The following SLC9A4 variants were observed in gnomAD, a reference collection of about 807,000 sequenced individuals.
SLC9A4 encodes the protein solute carrier family 9 member A4.
A neutral mutation model predicts 67.4 loss-of-function variants in SLC9A4; 63 were observed. The ratio of observed to expected loss-of-function variants is 0.93; its 90% CI spans 0.76 to 1.15. The LOEUF (loss-of-function observed/expected upper bound fraction) is 1.15, where lower values mean the gene tolerates loss of function less well. SLC9A4 is among the 50% of genes most tolerant of loss of function. SLC9A4 has a pLI of 0.00. For missense variants in SLC9A4, 1,089 were observed against 987.7 expected, an observed-to-expected ratio of 1.10 and a Z score of -1.38; for synonymous variants, 393 against 367.2, an observed-to-expected ratio of 1.07 and a Z score of -0.80.
At chr2:102,475,195 G>A (rs139726497) in intron 1 of SLC9A4, among the ~76,000 whole-genome samples, 25 of 152,340 alleles carry the variant, frequency 1.6e-4, no homozygotes, top group African/African-American at 4.8e-4. Context: ...AGTAAAAATG[G>A]CTTTCCAAAT....
At chr2:102,492,323 G>A (rs1684719835) in intron 2 of SLC9A4, among the ~76,000 whole-genome samples, 2 of 152,254 alleles carry the variant, frequency 1.3e-5, no homozygotes, top group African/African-American at 4.8e-5. Context: ...CACTGTCCTA[G>A]CTGAAGTTCT....
chr2:102,498,847 G>T (rs1414959232), intron 2 of SLC9A4, among the ~76,000 whole-genome samples: 1 of 152,200 alleles, frequency 6.6e-6, no homozygotes, highest in African/African-American at 2.4e-5. Flanking sequence ...TGTAAAGTGT[G>T]ATTGATACAC....
intron 2 of SLC9A4, among the ~76,000 whole-genome samples, chr2:102,479,630 C>T (rs1463079610): frequency 1.3e-5 from 2 of 152,176 alleles, no homozygotes; most frequent in Non-Finnish European, 2.9e-5. Flanking sequence ...TGGGGTTTCA[C>T]GACAGCTAAA....
chr2:102,525,990 C>A (rs1452461263), intron 10 of SLC9A4, among the ~76,000 whole-genome samples: 1 of 152,098 alleles, frequency 6.6e-6, no homozygotes, highest in Non-Finnish European at 1.5e-5. Context: ...CGGGTTCATG[C>A]GATTCTCCTG....
At chr2:102,483,799 CATATAT>C (rs61195337) in intron 2 of SLC9A4, among the ~76,000 whole-genome samples, 6,511 of 113,942 alleles carry the variant, frequency 0.057, 217 homozygotes, top group East Asian at 0.082. Context: ...CCATGTACAG[CATATAT>C]ATATATATAT....
At chr2:102,479,977 C>A (rs6543145) in intron 2 of SLC9A4, among the ~76,000 whole-genome samples, 16,343 of 152,162 alleles carry the variant, frequency 0.11, 1,156 homozygotes, top group African/African-American at 0.2. Context: ...TAGCCAGTCC[C>A]GTTGCTCAAT....
At chr2:102,501,125 A>AT (rs568540045) in intron 2 of SLC9A4, among the ~76,000 whole-genome samples, 327 of 146,096 alleles carry the variant, frequency 2.2e-3, no homozygotes, top group South Asian at 9.9e-3. Context: ...TGCCTGGCTA[A>AT]TTTTTTTTTT....
rs988823553 is a variant in SLC9A4, at chr2:102,519,790, T to A, written c.1722-69T>A. 6.9e-6 allele frequency: 10 copies of A among 1,453,764 alleles called. No individual in the cohort carries two copies. In the African/African-American group the frequency reaches 1.4e-4, roughly 20 times the overall value. The allele number at this position is 1,453,764 out of a possible 1,614,324, so 90.1% of individuals were successfully genotyped here. A position where few individuals can be genotyped will look rare whatever the true frequency, so the allele number is the denominator to read the frequency against. On this transcript the variant is annotated intron_variant, in intron 8 of 11. Coordinates refer to ENST00000295269, the MANE Select transcript of SLC9A4 (RefSeq NM_001011552.4). ...CCCCTCAGTACAGAGCAAGGCCCACTGATAGTTTTGTGGCACCTCTTGCCA... is the reference window on the plus strand; with the variant it reads ...CCCCTCAGTACAGAGCAAGGCCCACAGATAGTTTTGTGGCACCTCTTGCCA...
At chr2:102,509,085 G>C (rs1454431829) in intron 6 of SLC9A4, 152 bp downstream of exon 6, 6 of 683,604 alleles carry the variant, frequency 8.8e-6, no homozygotes, top group African/African-American at 3.7e-5. Flanking sequence ...GTAGGAAATT[G>C]CCACAAACTT....
Position 102,505,479 on chromosome 2 carries a change from A to G in SLC9A4, c.1198+8A>G, listed in dbSNP as rs1465358306. ...AAATCTGGAGAGCCATCAGTAAGAGACGGCAGGGCTCCAGAGTCTCCGGTC... is the reference window on the plus strand; with the variant it reads ...AAATCTGGAGAGCCATCAGTAAGAGGCGGCAGGGCTCCAGAGTCTCCGGTC... On this transcript the variant is annotated splice_region_variant and intron_variant, in intron 4 of 11. Transcript: ENST00000295269. 1 of 1,612,826 alleles carries G rather than the reference A, an allele frequency of 6.2e-7. No homozygotes were observed. Among genetic ancestry groups the G allele is most frequent in the South Asian group, 1.1e-5 (1 of 91,076 alleles).
rs1288528214 is a variant in SLC9A4 at position 102,519,961 on chromosome 2, T to C, written c.1818+6T>C. The C allele has an allele frequency of 6.2e-7, 1 of 1,612,708 alleles. No individual in the cohort carries two copies. The highest frequency in any genetic ancestry group is 8.5e-7 in the Non-Finnish European group (1 of 1,178,828). On this transcript the variant is annotated splice_donor_region_variant and intron_variant, in intron 9 of 11. Coordinates refer to ENST00000295269, the MANE Select transcript of SLC9A4 (RefSeq NM_001011552.4). ...TGTACCAAGTTCGGCAAAGGGTGTG[T>C]ATGAGCCACCTGTGTTGTCCCCATT... is the stretch of plus-strand genomic sequence containing the variant.
rs750462869 is a variant in SLC9A4 at position 102,532,722 on chromosome 2, C to T, written c.*34C>T. 22 of 1,579,944 alleles carry T rather than the reference C, an allele frequency of 1.4e-5. No homozygotes were observed. The highest frequency in any genetic ancestry group is 5.2e-5 in the Admixed American group (3 of 57,244). On this transcript the variant is annotated 3_prime_UTR_variant, in exon 12 of 12. Transcript: ENST00000295269. ...TCCACAAGATTGTTTTGGTGTTTCT[C>T]AAGAGTCTGTCTTCCTATAACTGTG...
At chr2:102,501,066 C>G (rs1052792756) in intron 2 of SLC9A4, among the ~76,000 whole-genome samples, 1 of 149,750 alleles carries the variant, frequency 6.7e-6, no homozygotes, top group Non-Finnish European at 1.5e-5. Context: ...TCAAGTGATT[C>G]TCCTGCCTCA....
Position 102,523,304 on chromosome 2 carries a change from A to G in SLC9A4, c.1819-1720A>G, listed in dbSNP as rs552761741. 9.2e-5 allele frequency among the ~76,000 whole-genome samples: 14 copies of G among 152,208 alleles called. No individual in the cohort carries two copies. The East Asian group carries it at 2.1e-3, about 23-fold the overall frequency. On this transcript the variant is annotated intron_variant, in intron 9 of 11. Transcript: ENST00000295269. ...ACACCTTCTTTACAACACTATTTTT[A>G]TACAATTATCTATTTTGTGAGGGTT...
chr2:102,524,865 G>T (rs540481488), intron 9 of SLC9A4, among the ~76,000 whole-genome samples, 159 bp from the exon 10 acceptor site: 1 of 152,146 alleles, frequency 6.6e-6, no homozygotes, highest in Non-Finnish European at 1.5e-5. Flanking sequence ...TCTTCTTGGC[G>T]CTGAGGCTTG....
intron 2 of SLC9A4, among the ~76,000 whole-genome samples, chr2:102,482,098 C>A (rs541887057): frequency 6.6e-6 from 1 of 152,292 alleles, no homozygotes; most frequent in East Asian, 1.9e-4. Flanking sequence ...TCTACCCTTG[C>A]GGGCAAGCTT....
chr2:102,482,633 A>C (rs76539089), intron 2 of SLC9A4, among the ~76,000 whole-genome samples: 2,751 of 151,796 alleles, frequency 0.018, 74 homozygotes, highest in East Asian at 0.091. Context: ...ACCTTCTTTC[A>C]CTCAGATCCA....
intron 8 of SLC9A4, among the ~76,000 whole-genome samples, chr2:102,515,159 A>G (rs1201979531): frequency 6.6e-6 from 1 of 152,090 alleles, no homozygotes; most frequent in Non-Finnish European, 1.5e-5. Context: ...TGTTGTCTTC[A>G]GCAGGTAAAA....
At chr2:102,499,851 A>G (rs1023106625) in intron 2 of SLC9A4, among the ~76,000 whole-genome samples, 8 of 152,232 alleles carry the variant, frequency 5.3e-5, no homozygotes, top group African/African-American at 1.9e-4. Context: ...CTTAAGAAAC[A>G]TGATTGAACC....
Sources: gnomAD v4.1 joint callset for allele counts (sites outside exome capture counted in the v4.1 genomes callset) on GRCh38, gnomAD v4.1.1 for gene constraint, MANE v1.5 for transcripts, NCBI Gene and HGNC (gene_info 2026-07-23, HGNC 2026-07-21) for gene names.